Variants in BRINP3 observed in about 807,000 individuals in gnomAD.
BRINP3 encodes the protein BMP/retinoic acid inducible neural specific 3.
BRINP3 carries 19 observed loss-of-function variants against 71.0 expected under a neutral mutation model. The ratio of observed to expected loss-of-function variants is 0.27; its 90% CI spans 0.19 to 0.39. The LOEUF (loss-of-function observed/expected upper bound fraction) is 0.39. BRINP3 is among the 10% of genes least tolerant of loss of function. The pLI is 1.00. For missense variants in BRINP3, 959 were observed against 940.8 expected (o/e 1.02, Z -0.25); for synonymous variants, 380 against 337.7 (o/e 1.13, Z -1.37).
chr1:190,402,028 A>T (rs1000657356), intron 2 of BRINP3, among the ~76,000 whole-genome samples: 6 of 151,998 alleles, frequency 3.9e-5, no homozygotes, highest in Non-Finnish European at 8.8e-5. Context: ...AAATTTGTTT[A>T]TTAGTGTAAT....
chr1:190,450,505 T>C (rs12042770), intron 2 of BRINP3, among the ~76,000 whole-genome samples: 28,512 of 152,008 alleles, frequency 0.19, 2,775 homozygotes, highest in Middle Eastern at 0.22. Flanking sequence ...ATTGCTACTT[T>C]AAAGACATTT....
At chr1:190,187,129 T>C (rs554697486) in intron 6 of BRINP3, among the ~76,000 whole-genome samples, 1 of 152,294 alleles carries the variant, frequency 6.6e-6, no homozygotes. Flanking sequence ...TGATCAGTGA[T>C]GTTGACCATT....
At chr1:190,327,351 G>GGAAAAAAAAAAAAAAAAAAAAAAAAA (rs1666668662) in intron 2 of BRINP3, among the ~76,000 whole-genome samples, 7 of 65,750 alleles carry the variant, frequency 1.1e-4, no homozygotes, top group South Asian at 4.8e-4. Flanking sequence ...AAAAAAAAAA[G>GGAAAAAAAAAAAAAAAAAAAAAAAAA]GAAAAAAAAA....
At chr1:190,201,668 T>C (rs911562695) in intron 6 of BRINP3, among the ~76,000 whole-genome samples, 2 of 152,188 alleles carry the variant, frequency 1.3e-5, no homozygotes, top group African/African-American at 4.8e-5. Flanking sequence ...CCTAGGGACT[T>C]GGTGTCCTGC....
At chr1:190,277,280 C>T (rs1165046077) in intron 3 of BRINP3, among the ~76,000 whole-genome samples, 3 of 150,284 alleles carry the variant, frequency 2.0e-5, no homozygotes, top group African/African-American at 7.3e-5. Flanking sequence ...AAAACTCCAC[C>T]TCTTACTCTT....
chr1:190,264,952 T>C lies in BRINP3; in HGVS notation c.531A>G (p.Leu177=), dbSNP rs935940753. Residue 177 remains leucine, a synonymous_variant, in exon 4 of 8, where the codon CTA becomes CTG. Coordinates refer to ENST00000367462, the MANE Select transcript of BRINP3 (RefSeq NM_199051.3). ...TNSSSVTLET[L]HQLAASYFID... is the part of the protein sequence containing the mutation. ...TGAAATAAGAAGCGGCTAGCTGATG[T>C]AGCGTCTCCAGAGTGACCGAAGAGC... 8.7e-6 allele frequency: 14 copies of C among 1,613,512 alleles called. No homozygotes were observed. The highest frequency in any genetic ancestry group is 1.2e-5 in the Non-Finnish European group (14 of 1,179,828).
chr1:190,165,443 GTTTT>G (rs1222291505), intron 6 of BRINP3, among the ~76,000 whole-genome samples: 8 of 46,618 alleles, frequency 1.7e-4, no homozygotes, highest in Non-Finnish European at 2.1e-4. Flanking sequence ...TTCATTGGCT[GTTTT>G]TTTTTTTTTT....
chr1:190,352,636 A>G (rs1245952922), intron 2 of BRINP3, among the ~76,000 whole-genome samples: 1 of 152,042 alleles, frequency 6.6e-6, no homozygotes, highest in Admixed American at 6.6e-5. Context: ...ATGCTAAAAC[A>G]TATTTATATG....
At chr1:190,135,298 T>C (rs540469499) in intron 7 of BRINP3, among the ~76,000 whole-genome samples, 3 of 152,258 alleles carry the variant, frequency 2.0e-5, no homozygotes, top group African/African-American at 4.8e-5. Context: ...AGCTCTTTTA[T>C]GGAAATGTTT....
chr1:190,354,277 C>T (rs889216152), intron 2 of BRINP3, among the ~76,000 whole-genome samples: 1 of 151,904 alleles, frequency 6.6e-6, no homozygotes, highest in African/African-American at 2.4e-5. Context: ...ATTATCAAAG[C>T]TGAAAATGGG....
chr1:190,179,470 T>A (rs1002707336), intron 6 of BRINP3, among the ~76,000 whole-genome samples: 1 of 152,144 alleles, frequency 6.6e-6, no homozygotes, highest in African/African-American at 2.4e-5. Context: ...AAATGTGATA[T>A]TCCCAAGTCT....
chr1:190,242,135 T>C (rs1370031740), intron 4 of BRINP3, among the ~76,000 whole-genome samples: 1 of 151,920 alleles, frequency 6.6e-6, no homozygotes, highest in Non-Finnish European at 1.5e-5. Context: ...AATTATAAGA[T>C]GCATTAAAAA....
At chr1:190,265,823 C>T (rs1661612544) in intron 3 of BRINP3, among the ~76,000 whole-genome samples, 1 of 152,154 alleles carries the variant, frequency 6.6e-6, no homozygotes, top group African/African-American at 2.4e-5. Flanking sequence ...TAGTTTTCAT[C>T]TGCACCTTTA....
chr1:190,103,309 G>C (rs2102250605), intron 7 of BRINP3, among the ~76,000 whole-genome samples: 1 of 152,108 alleles, frequency 6.6e-6, no homozygotes, highest in African/African-American at 2.4e-5. Flanking sequence ...GGATATAACA[G>C]GTAAAACCCA....
intron 6 of BRINP3, among the ~76,000 whole-genome samples, chr1:190,187,878 C>T (rs1309608287): frequency 1.2e-4 from 18 of 147,120 alleles, no homozygotes; most frequent in Non-Finnish European, 4.5e-5. Context: ...TTTGCAGTAT[C>T]GTTCAAATTT....
intron 2 of BRINP3, among the ~76,000 whole-genome samples, chr1:190,285,964 C>T (rs1663392784): frequency 6.6e-6 from 1 of 152,090 alleles, no homozygotes; most frequent in Non-Finnish European, 1.5e-5. Flanking sequence ...TACTTGGAGC[C>T]TTCACAGAAC....
rs923898909 is a variant in BRINP3, at chr1:190,463,548, C to T, written c.-50-8608G>A. On this transcript the variant is annotated intron_variant, in intron 1 of 7. Coordinates refer to ENST00000367462, the MANE Select transcript of BRINP3 (RefSeq NM_199051.3). The stretch of plus-strand genomic sequence containing the variant: ...TCAGTCAATACTCAGGTATTATATT[C>T]CATGAACATATTCAAACATAAATAA... Among the ~76,000 whole-genome samples, 3 of 151,676 alleles carry T rather than the reference C, an allele frequency of 2.0e-5. 1 individual carries two copies. The highest frequency in any genetic ancestry group is 4.4e-5 in the Non-Finnish European group (3 of 67,738).
intron 7 of BRINP3, among the ~76,000 whole-genome samples, chr1:190,151,021 C>T (rs763860575): frequency 6.6e-6 from 1 of 151,924 alleles, no homozygotes; most frequent in East Asian, 1.9e-4. Flanking sequence ...GTGGTGTGTG[C>T]GTGTAATATC....
chr1:190,390,885 GT>G (rs1671210393), intron 2 of BRINP3, among the ~76,000 whole-genome samples: 1 of 151,824 alleles, frequency 6.6e-6, no homozygotes, highest in African/African-American at 2.4e-5. Context: ...GGAGATTAAT[GT>G]TTAGCATATG....
Sources: allele counts gnomAD v4.1 joint callset (sites outside exome capture counted in the v4.1 genomes callset), GRCh38; gene constraint gnomAD v4.1.1; transcripts MANE v1.5; gene names NCBI Gene and HGNC (gene_info 2026-07-23, HGNC 2026-07-21).